Variants in EGLN1 observed in about 807,000 individuals in gnomAD.
EGLN1 encodes egl-9 family hypoxia inducible factor 1, also known as egl nine homolog 1.
EGLN1 carries 17 observed loss-of-function variants against 38.3 expected under a neutral mutation model. The ratio of observed to expected loss-of-function variants is 0.44; its 90% CI spans 0.30 to 0.67. The LOEUF is 0.67. Ranked by LOEUF, EGLN1 falls within the 30% of genes least tolerant of loss-of-function variation. The pLI, the probability that EGLN1 is intolerant of heterozygous loss-of-function variation, is 0.08. For missense variants in EGLN1, 477 were observed against 603.3 expected, an observed-to-expected ratio of 0.79 and a Z score of 2.19; for synonymous variants, 283 against 257.5, an observed-to-expected ratio of 1.10 and a Z score of -0.95.
intron 1 of EGLN1, among the ~76,000 whole-genome samples, chr1:231,413,737 T>C (rs1167165982): frequency 6.6e-6 from 1 of 152,116 alleles, no homozygotes; most frequent in Non-Finnish European, 1.5e-5. Context: ...TCAACATTTG[T>C]TGAATGAACA....
chr1:231,410,060 T>C (rs375797454), intron 1 of EGLN1, among the ~76,000 whole-genome samples: 3 of 152,268 alleles, frequency 2.0e-5, no homozygotes, highest in African/African-American at 7.2e-5. Context: ...TAGTAACATT[T>C]AAGGGGCAGA....
intron 1 of EGLN1, among the ~76,000 whole-genome samples, chr1:231,413,452 A>G (rs1241456380): frequency 6.6e-6 from 1 of 152,086 alleles, no homozygotes; most frequent in Non-Finnish European, 1.5e-5. Flanking sequence ...CCACATAACT[A>G]ATTTCCCACT....
intron 1 of EGLN1, among the ~76,000 whole-genome samples, chr1:231,392,432 C>T (rs1165638886): frequency 1.3e-5 from 2 of 152,074 alleles, no homozygotes; most frequent in African/African-American, 4.8e-5. Context: ...ATTAAGCATA[C>T]TATGTAGAAA....
chr1:231,386,346 T>C (rs1688205677), intron 1 of EGLN1, among the ~76,000 whole-genome samples: 1 of 152,226 alleles, frequency 6.6e-6, no homozygotes, highest in African/African-American at 2.4e-5. Context: ...ATTTTACAAA[T>C]AATTTTATCT....
At chr1:231,386,627 T>C (rs1344155789) in intron 1 of EGLN1, among the ~76,000 whole-genome samples, 1 of 152,152 alleles carries the variant, frequency 6.6e-6, no homozygotes, top group African/African-American at 2.4e-5. Flanking sequence ...GACTGTAGAC[T>C]CCAACAGAGG....
At chr1:231,410,184 C>T (rs1218467376) in intron 1 of EGLN1, among the ~76,000 whole-genome samples, 1 of 152,106 alleles carries the variant, frequency 6.6e-6, no homozygotes, top group East Asian at 2.0e-4. Flanking sequence ...GAATACAGCA[C>T]AAGTGATGGG....
chr1:231,373,834 C>T, intron 2 of EGLN1, 146 bp downstream of exon 2: 2 of 817,598 alleles, frequency 2.4e-6, no homozygotes, highest in Non-Finnish European at 3.9e-6. Flanking sequence ...TTACAAAAAT[C>T]CACTCCTAAT....
intron 1 of EGLN1, among the ~76,000 whole-genome samples, chr1:231,387,360 ATT>A (rs1464252140): frequency 1.2e-4 from 16 of 135,886 alleles, no homozygotes; most frequent in Non-Finnish European, 9.5e-5. Context: ...TATTTTTTTA[ATT>A]TTTTTTTTTT....
At chr1:231,388,762 C>G (rs1688295757) in intron 1 of EGLN1, among the ~76,000 whole-genome samples, 1 of 152,164 alleles carries the variant, frequency 6.6e-6, no homozygotes, top group African/African-American at 2.4e-5. Context: ...TCAAGCGATT[C>G]TCCTGCCTCA....
intron 1 of EGLN1, among the ~76,000 whole-genome samples, chr1:231,396,581 C>T (rs1688536909): frequency 6.6e-6 from 1 of 152,076 alleles, no homozygotes; most frequent in Admixed American, 6.6e-5. Context: ...GAGCAAATAC[C>T]CTTGCTATAG....
rs1396772164 is a variant in EGLN1 at position 231,365,941 on chromosome 1, T to G, written c.*470A>C. 1 of 161,518 alleles carries G rather than the reference T, an allele frequency of 6.2e-6. No individual in the cohort carries two copies. Among genetic ancestry groups the G allele is most frequent in the Non-Finnish European group, 1.4e-5 (1 of 73,394 alleles). 10.0% of individuals were successfully genotyped at this position (161,518 alleles called of 1,614,324 possible). A position where few individuals can be genotyped will look rare whatever the true frequency, so the allele number is the denominator to read the frequency against. On this transcript the variant is annotated 3_prime_UTR_variant, in exon 5 of 5. Coordinates refer to ENST00000366641, the MANE Select transcript of EGLN1 (RefSeq NM_022051.3). ...TCTTTTAGGGCAAAATTTAATAGTA[T>G]GAACAGGTTTACAAAAATAGATTGA...
intron 1 of EGLN1, among the ~76,000 whole-genome samples, chr1:231,413,015 C>T (rs570015407): frequency 1.2e-5 from 1 of 81,508 alleles, no homozygotes; most frequent in African/African-American, 5.3e-5. Context: ...ATTTCCTATC[C>T]TACTACATCA....
intron 1 of EGLN1, among the ~76,000 whole-genome samples, chr1:231,386,723 C>T (rs867744304): frequency 3.3e-5 from 5 of 152,052 alleles, no homozygotes; most frequent in African/African-American, 1.2e-4. Context: ...TAATGATTTA[C>T]CTTGAGAGAA....
intron 1 of EGLN1, among the ~76,000 whole-genome samples, chr1:231,399,934 T>A (rs1490152109): frequency 6.6e-6 from 1 of 152,096 alleles, no homozygotes; most frequent in East Asian, 1.9e-4. Flanking sequence ...AGAACATCAC[T>A]TGAAGGCACA....
In EGLN1 at chr1:231,370,618, C is replaced by T; in HGVS notation, c.1092G>A (p.Leu364=). Residue 364 remains leucine (L), a synonymous_variant, in exon 3 of 5, where the codon CTG becomes CTA. Transcript: ENST00000366641. ...ADIEPKFDRL[L]FFWSDRRNPH... ...GGTTGCGACGGTCAGACCAGAAAAACAGCAGTCTATCAAATTTGGGTTCAA... is the reference window on the plus strand; with the variant it reads ...GGTTGCGACGGTCAGACCAGAAAAATAGCAGTCTATCAAATTTGGGTTCAA... 6.2e-7 allele frequency: 1 copy of T among 1,614,098 alleles called. No individual in the cohort carries two copies. Among genetic ancestry groups the T allele is most frequent in the Non-Finnish European group, 8.5e-7 (1 of 1,180,018 alleles).
intron 1 of EGLN1, among the ~76,000 whole-genome samples, chr1:231,375,347 C>T (rs568385690): frequency 4.3e-4 from 66 of 151,794 alleles, no homozygotes; most frequent in African/African-American, 1.4e-3. Context: ...TGAGCCACCA[C>T]GCCACCCGGT....
intron 1 of EGLN1, among the ~76,000 whole-genome samples, chr1:231,413,201 G>C (rs902227483): frequency 6.6e-6 from 1 of 152,024 alleles, no homozygotes; most frequent in Non-Finnish European, 1.5e-5. Context: ...TCAGCCTCCA[G>C]AGTAGCTGGG....
At chr1:231,388,471 G>T (rs911830461) in intron 1 of EGLN1, among the ~76,000 whole-genome samples, 1 of 152,018 alleles carries the variant, frequency 6.6e-6, no homozygotes, top group Non-Finnish European at 1.5e-5. Flanking sequence ...GCTAGTGTCT[G>T]TCTCTGTCTC....
intron 1 of EGLN1, among the ~76,000 whole-genome samples, chr1:231,383,057 C>CAAAAAA (rs547747077): frequency 1.1e-4 from 8 of 70,548 alleles, no homozygotes; most frequent in African/African-American, 3.8e-4. Flanking sequence ...AACTCTGTCT[C>CAAAAAA]AAAAAAAAAA....
Sources: gnomAD v4.1 joint callset for allele counts (sites outside exome capture counted in the v4.1 genomes callset) on GRCh38, gnomAD v4.1.1 for gene constraint, MANE v1.5 for transcripts, NCBI Gene and HGNC (gene_info 2026-07-23, HGNC 2026-07-21) for gene names.